The following PTPN13 variants were observed in gnomAD, a reference collection of about 807,000 sequenced individuals.
The protein encoded by PTPN13 is protein tyrosine phosphatase non-receptor type 13.
A neutral mutation model predicts 284.0 loss-of-function variants in PTPN13; 191 were observed. That is an observed-to-expected ratio of 0.67 (90% CI 0.60 to 0.76). PTPN13 has a LOEUF of 0.76. Ranked by LOEUF, PTPN13 falls within the 30% of genes least tolerant of loss-of-function variation. The probability of loss-of-function intolerance (pLI) is 0.00; values close to 1 mark genes in which losing one functional copy is unlikely to be tolerated. For synonymous variants in PTPN13, 986 were observed against 1,022.3 expected (o/e 0.96, Z 0.68); for missense variants, 2,797 against 2,939.9 (o/e 0.95, Z 1.12).
intron 25 of PTPN13, among the ~76,000 whole-genome samples, chr4:86,764,959 C>T (rs1422549907): frequency 6.6e-6 from 1 of 152,114 alleles, no homozygotes; most frequent in Non-Finnish European, 1.5e-5. Context: ...TTAATACTTG[C>T]TTTATCTGAA....
chr4:86,754,402 G>A (rs1737743622), intron 20 of PTPN13, among the ~76,000 whole-genome samples: 1 of 151,932 alleles, frequency 6.6e-6, no homozygotes, highest in South Asian at 2.1e-4. Flanking sequence ...CAGTTATTTA[G>A]TGCTTACTAT....
intron 2 of PTPN13, among the ~76,000 whole-genome samples, chr4:86,638,405 A>C (rs1723316813): frequency 6.6e-6 from 1 of 152,224 alleles, no homozygotes; most frequent in Non-Finnish European, 1.5e-5. Flanking sequence ...AGCTGGAGGC[A>C]TCACGCTACC....
intron 17 of PTPN13, among the ~76,000 whole-genome samples, chr4:86,746,499 A>C (rs1352342655): frequency 1.3e-5 from 2 of 151,806 alleles, no homozygotes; most frequent in African/African-American, 4.9e-5. Context: ...CAGAATCATG[A>C]TAGGGGTGGA....
At chr4:86,803,592 C>G in intron 42 of PTPN13, 117 bp from the exon 43 acceptor site, 1 of 1,109,494 alleles carries the variant, frequency 9.0e-7, no homozygotes, top group Middle Eastern at 2.2e-4. Flanking sequence ...GATTCTATCT[C>G]TAAATAAATA....
chr4:86,715,246 A>G (rs889783786), intron 7 of PTPN13, among the ~76,000 whole-genome samples: 1 of 144,802 alleles, frequency 6.9e-6, no homozygotes, highest in Admixed American at 7.1e-5. Context: ...GTGTGTGTGT[A>G]TATATGTGTA....
chr4:86,643,768 C>A (rs1310811279), intron 2 of PTPN13, among the ~76,000 whole-genome samples: 3 of 151,958 alleles, frequency 2.0e-5, no homozygotes, highest in Non-Finnish European at 4.4e-5. Context: ...AGGAAACAGC[C>A]CAGTTTAAAT....
intron 2 of PTPN13, among the ~76,000 whole-genome samples, chr4:86,667,961 A>C (rs1279405507): frequency 6.6e-6 from 1 of 152,214 alleles, no homozygotes; most frequent in Non-Finnish European, 1.5e-5. Flanking sequence ...AAATGGCAAG[A>C]ACCCTCAGGG....
At chr4:86,629,393 A>G (rs1565181308) in intron 1 of PTPN13, among the ~76,000 whole-genome samples, 2 of 150,326 alleles carry the variant, frequency 1.3e-5, no homozygotes, top group Non-Finnish European at 3.0e-5. Flanking sequence ...CAAAACCACT[A>G]TGAGATATCA....
At chr4:86,652,285 A>G (rs1725175265) in intron 2 of PTPN13, among the ~76,000 whole-genome samples, 1 of 152,198 alleles carries the variant, frequency 6.6e-6, no homozygotes. Context: ...CTACTAAAAT[A>G]TGCATGATTT....
rs191992502 is a variant in PTPN13, at chr4:86,750,941, C to T, written c.3068+54C>T. The T allele has an allele frequency of 5.6e-5, 88 of 1,572,604 alleles. No individual in the cohort carries two copies. The East Asian group carries it at 1.1e-3, about 19-fold the overall frequency. ...ATATTTGTAAATTCTACATTTCATA[C>T]GTTTCTTTTTGTTATGACATTTTAT... is the stretch of plus-strand genomic sequence containing the variant. On this transcript the variant is annotated intron_variant, in intron 18 of 47. Transcript: ENST00000411767.
chr4:86,741,650 C>T lies in PTPN13; in HGVS notation c.2321C>T (p.Thr774Ile). The change falls in exon 16 of 48, where the codon ACA (threonine) becomes ATA (isoleucine). Residue 774 changes from threonine to isoleucine, a missense_variant. Physicochemically the swap from Thr to Ile is moderately conservative, Grantham distance 89 (BLOSUM62 -1). Transcript: ENST00000411767. ...TTCCAACAGGTCTGCCAAAGACTGA[C>T]AGAATATGGAGTTCATTTTCACCGA... ...LEFLKVCQRL[T>I]EYGVHFHRVH... 1 of 1,613,092 alleles carries T rather than the reference C, an allele frequency of 6.2e-7. No individual in the cohort carries two copies.
intron 47 of PTPN13, 43 bp downstream of exon 47, chr4:86,811,151 T>C (rs1370278458): frequency 6.4e-7 from 1 of 1,554,610 alleles, no homozygotes; most frequent in Non-Finnish European, 8.8e-7. Context: ...TTTGTAAAGA[T>C]TCTAATATTT....
Position 86,722,238 on chromosome 4 carries a change from G to C in PTPN13, c.1412G>C (p.Gly471Ala). 6.2e-7 allele frequency: 1 copy of C among 1,613,404 alleles called. No homozygotes were observed. Residue 471 changes from glycine (G) to alanine (A), a missense_variant, in exon 10 of 48, where the codon GGC becomes GCC. Coordinates refer to ENST00000411767, the MANE Select transcript of PTPN13 (RefSeq NM_080683.3). ...PSRQYETPFE[G>A]NLINQEIMLK... ...AGACAATATGAAACACCCTTTGAAGGCAACTTAATTAATCAAGAGATCATG... is the reference window on the plus strand; with the variant it reads ...AGACAATATGAAACACCCTTTGAAGCCAACTTAATTAATCAAGAGATCATG...
intron 1 of PTPN13, among the ~76,000 whole-genome samples, chr4:86,603,651 A>G (rs1229160870): frequency 1.3e-5 from 2 of 152,120 alleles, no homozygotes; most frequent in Non-Finnish European, 2.9e-5. Context: ...AGCATCTCTT[A>G]TACCCAGTTC....
intron 40 of PTPN13, among the ~76,000 whole-genome samples, chr4:86,789,460 T>A (rs761059106): frequency 1.3e-5 from 2 of 152,158 alleles, no homozygotes; most frequent in African/African-American, 2.4e-5. Flanking sequence ...CTACTCCTAA[T>A]ATGCTATAGT....
At chr4:86,659,079 A>G (rs1726179596) in intron 2 of PTPN13, among the ~76,000 whole-genome samples, 1 of 152,126 alleles carries the variant, frequency 6.6e-6, no homozygotes, top group African/African-American at 2.4e-5. Flanking sequence ...AAAAAGAGAA[A>G]ATATTATCAC....
chr4:86,758,853 C>T lies in PTPN13; in HGVS notation c.3421+68C>T, dbSNP rs1236906348. 3.2e-6 allele frequency: 5 copies of T among 1,583,408 alleles called. No homozygotes were observed. The East Asian group carries it at 1.1e-4, about 35-fold the overall frequency. On this transcript the variant is annotated intron_variant, in intron 22 of 47. Coordinates refer to ENST00000411767, the MANE Select transcript of PTPN13 (RefSeq NM_080683.3). ...CATGAATTTAGGAACTTAGGCCAAA[C>T]TAAAATAATTGAGAAAGAGATGATA...
intron 40 of PTPN13, among the ~76,000 whole-genome samples, chr4:86,795,406 T>G (rs1408740991): frequency 6.6e-6 from 1 of 152,092 alleles, no homozygotes; most frequent in Non-Finnish European, 1.5e-5. Context: ...CTGGAGAGGA[T>G]GTGGAGAAAT....
chr4:86,734,938 A>ATGAC lies in PTPN13; in HGVS notation c.2151+65_2151+68dup, dbSNP rs1565445865. ...GGTGTTGTTACCTTTAACATAGTTA[A>ATGAC]TGACTAAACCTGATTCAGGTGTTTG... On this transcript the variant is annotated intron_variant, in intron 14 of 47. Coordinates refer to ENST00000411767, the MANE Select transcript of PTPN13 (RefSeq NM_080683.3). 1.9e-6 allele frequency: 3 copies of ATGAC among 1,543,418 alleles called. No individual in the cohort carries two copies. In the African/African-American group the frequency reaches 4.1e-5, roughly 21 times the overall value.
Sources: gnomAD v4.1 joint callset for allele counts (sites outside exome capture counted in the v4.1 genomes callset) on GRCh38, gnomAD v4.1.1 for gene constraint, MANE v1.5 for transcripts, NCBI Gene and HGNC (gene_info 2026-07-23, HGNC 2026-07-21) for gene names.